ZMYM2: variants seen among roughly 807,000 people sequenced by gnomAD.
ZMYM2 encodes the protein zinc finger MYM-type containing 2, also known as zinc finger MYM-type protein 2.
A neutral mutation model predicts 162.8 loss-of-function variants in ZMYM2; 56 were observed. The ratio of observed to expected loss-of-function variants is 0.34; its 90% CI spans 0.28 to 0.43. ZMYM2 has a LOEUF of 0.43. ZMYM2 is among the 20% of genes least tolerant of loss of function. The pLI, the probability that ZMYM2 is intolerant of heterozygous loss-of-function variation, is 1.00. For synonymous variants in ZMYM2, 510 were observed against 541.6 expected, an observed-to-expected ratio of 0.94 and a Z score of 0.81; for missense variants, 1,275 against 1,621.8, an observed-to-expected ratio of 0.79 and a Z score of 3.67.
intron 7 of ZMYM2, chr13:20,025,003 G>A (rs906988515): frequency 4.7e-5 from 10 of 212,714 alleles, no homozygotes; most frequent in Non-Finnish European, 8.6e-5. Flanking sequence ...TTTTCTATTC[G>A]TTTCAAGCTG....
At chr13:20,016,404 T>A (rs911129468) in intron 6 of ZMYM2, among the ~76,000 whole-genome samples, 2 of 152,186 alleles carry the variant, frequency 1.3e-5, no homozygotes, top group Non-Finnish European at 2.9e-5. Context: ...AAAGTGGATT[T>A]ATAAAGCAAA....
At chr13:19,884,673 A>G in the ZMYM2 span, among the ~76,000 whole-genome samples, 1 of 152,188 alleles carries the variant, frequency 6.6e-6, no homozygotes, top group Non-Finnish European at 1.5e-5. Flanking sequence ...AGTTCTTAAA[A>G]GTAGCACGTC....
chr13:19,872,995 A>AC, the ZMYM2 span, among the ~76,000 whole-genome samples: 293 of 73,546 alleles, frequency 4.0e-3, no homozygotes, highest in Middle Eastern at 0.014. Flanking sequence ...GTGAGACTCT[A>AC]CCCCAAAAAA....
intron 2 of ZMYM2, among the ~76,000 whole-genome samples, chr13:19,964,854 T>A (rs1955596389): frequency 1.3e-5 from 2 of 152,182 alleles, no homozygotes; most frequent in South Asian, 4.1e-4. Context: ...AATGTTAAAT[T>A]GTAATCAGGA....
At chr13:20,021,242 T>C (rs1253586770) in intron 7 of ZMYM2, among the ~76,000 whole-genome samples, 1 of 152,116 alleles carries the variant, frequency 6.6e-6, no homozygotes, top group Non-Finnish European at 1.5e-5. Flanking sequence ...CCCAAAGTGC[T>C]GGAATTACAG....
At chr13:19,884,992 G>C in the ZMYM2 span, among the ~76,000 whole-genome samples, 1 of 152,086 alleles carries the variant, frequency 6.6e-6, no homozygotes, top group East Asian at 1.9e-4. Flanking sequence ...GTGCTGATTG[G>C]TCCATTTTTA....
chr13:20,003,553 T>G (rs190038840), intron 4 of ZMYM2, among the ~76,000 whole-genome samples: 27 of 152,340 alleles, frequency 1.8e-4, no homozygotes, highest in Admixed American at 4.6e-4. Context: ...GAAATAGTAT[T>G]TCAAGACTCA....
intron 6 of ZMYM2, among the ~76,000 whole-genome samples, chr13:20,012,663 G>A (rs1408458192): frequency 1.3e-5 from 2 of 152,058 alleles, no homozygotes; most frequent in Non-Finnish European, 2.9e-5. Flanking sequence ...ATTATGTGAG[G>A]CAGGGGTCCA....
intron 2 of ZMYM2, among the ~76,000 whole-genome samples, chr13:19,985,885 T>C (rs927909900): frequency 1.3e-5 from 2 of 150,636 alleles, no homozygotes; most frequent in Non-Finnish European, 3.0e-5. Flanking sequence ...CAAAAATAAA[T>C]AAATAAATAA....
chr13:19,880,880 GTTTT>G, the ZMYM2 span, among the ~76,000 whole-genome samples: 1 of 149,794 alleles, frequency 6.7e-6, no homozygotes, highest in African/African-American at 2.5e-5. Flanking sequence ...AAGTTTTTTT[GTTTT>G]TGTTTTGTTT....
the ZMYM2 span, among the ~76,000 whole-genome samples, chr13:19,883,762 A>C: frequency 6.6e-6 from 1 of 152,070 alleles, no homozygotes; most frequent in African/African-American, 2.4e-5. Flanking sequence ...ATATATATAT[A>C]TATTTTTTTG....
chr13:19,885,683 A>G, the ZMYM2 span, among the ~76,000 whole-genome samples: 1 of 151,678 alleles, frequency 6.6e-6, no homozygotes, highest in Non-Finnish European at 1.5e-5. Flanking sequence ...TACTAAAAAT[A>G]CAAAATTTAC....
At chr13:19,928,864 C>T in the ZMYM2 span, among the ~76,000 whole-genome samples, 2 of 151,840 alleles carry the variant, frequency 1.3e-5, no homozygotes, top group South Asian at 2.1e-4. Flanking sequence ...AGGTTGGTGT[C>T]GAACTCCTGA....
chr13:19,968,926 CAA>C lies in ZMYM2; in HGVS notation c.-11+8902_-11+8903del, dbSNP rs893049382. On this transcript the variant is annotated intron_variant, in intron 2 of 24. Coordinates refer to ENST00000610343, the MANE Select transcript of ZMYM2 (RefSeq NM_197968.4). ...AGTCATATAAATGAGTAAATATAAA[CAA>C]AGTGTAATAGGTAATAAACAGAAAT... Among the ~76,000 whole-genome samples, 174 of 152,214 alleles carry C rather than the reference CAA, an allele frequency of 1.1e-3. 1 individual carries two copies. Among genetic ancestry groups the C allele is most frequent in the African/African-American group, 4.1e-3 (169 of 41,536 alleles).
the ZMYM2 span, among the ~76,000 whole-genome samples, chr13:19,895,965 T>A: frequency 6.6e-6 from 1 of 151,478 alleles, no homozygotes; most frequent in African/African-American, 2.4e-5. Flanking sequence ...TCTACAACAT[T>A]AATGAACCTT....
the ZMYM2 span, among the ~76,000 whole-genome samples, chr13:19,899,836 A>AAAAAAAG: frequency 8.3e-4 from 100 of 120,876 alleles, 1 homozygote; most frequent in African/African-American, 1.4e-3. Context: ...AAAAAAAAAA[A>AAAAAAAG]AAGGAAAACA....
At chr13:19,966,800 A>T (rs538325769) in intron 2 of ZMYM2, among the ~76,000 whole-genome samples, 1 of 152,332 alleles carries the variant, frequency 6.6e-6, no homozygotes, top group Non-Finnish European at 1.5e-5. Flanking sequence ...TAGGAAAATC[A>T]TGATTATAAA....
At chr13:20,061,830 C>T (rs1389924805) in intron 17 of ZMYM2, among the ~76,000 whole-genome samples, 1 of 151,078 alleles carries the variant, frequency 6.6e-6, no homozygotes, top group Non-Finnish European at 1.5e-5. Flanking sequence ...CTCAGGTGAT[C>T]CACCTGCTTC....
At chr13:19,981,717 T>C (rs1957345311) in intron 2 of ZMYM2, among the ~76,000 whole-genome samples, 1 of 152,236 alleles carries the variant, frequency 6.6e-6, no homozygotes, top group Non-Finnish European at 1.5e-5. Context: ...GAATATATTA[T>C]TTTCTTAAAA....
Sources: allele counts gnomAD v4.1 joint callset (sites outside exome capture counted in the v4.1 genomes callset), GRCh38; gene constraint gnomAD v4.1.1; transcripts MANE v1.5; gene names NCBI Gene and HGNC (gene_info 2026-07-23, HGNC 2026-07-21).